KCNK9: variants seen among roughly 807,000 people sequenced by gnomAD.
KCNK9 encodes the protein potassium channel subfamily K member 9.
In KCNK9, 1 loss-of-function variant was observed where a neutral mutation model predicts 10.8. The observed-to-expected ratio is 0.09, with a 90% CI of 0.03 to 0.44. The LOEUF (loss-of-function observed/expected upper bound fraction) is 0.44, where lower values mean the gene tolerates loss of function less well. Ranked by LOEUF, KCNK9 falls within the 20% of genes least tolerant of loss-of-function variation. The probability of loss-of-function intolerance (pLI) is 0.97; values close to 1 mark genes in which losing one functional copy is unlikely to be tolerated. For missense variants in KCNK9, 303 were observed against 515.0 expected, an observed-to-expected ratio of 0.59 and a Z score of 3.98; for synonymous variants, 231 against 222.7, an observed-to-expected ratio of 1.04 and a Z score of -0.33.
intron 1 of KCNK9, among the ~76,000 whole-genome samples, chr8:139,699,957 C>T (rs1302028791): frequency 6.6e-6 from 1 of 152,102 alleles, no homozygotes. Context: ...ATCAAAACGC[C>T]AATGAAGATT....
rs142724993 is a variant in KCNK9 at position 139,620,199 on chromosome 8, T to A, written c.284-1100A>T. Among the ~76,000 whole-genome samples, 258 of 152,124 alleles carry A rather than the reference T, an allele frequency of 1.7e-3. 3 individuals are homozygous for A. Among genetic ancestry groups the A allele is most frequent in the African/African-American group, 5.9e-3 (245 of 41,480 alleles). On this transcript the variant is annotated intron_variant, in intron 1 of 1. Transcript: ENST00000520439. ...TAGGTTCAAACTGTGGGACTAACAC[T>A]ACCCAGAATAAAAACCTGGATCATG...
At chr8:139,691,286 G>C (rs934498285) in intron 1 of KCNK9, among the ~76,000 whole-genome samples, 2 of 152,212 alleles carry the variant, frequency 1.3e-5, no homozygotes, top group Admixed American at 6.5e-5. Context: ...GGATTTCACC[G>C]TGGATACCAG....
In KCNK9 at chr8:139,702,849, G is replaced by T. The variant is rs1817262410; in HGVS notation, c.144C>A (p.Ile48=). Residue 48 remains isoleucine, a synonymous_variant, in exon 1 of 2, where the codon ATC becomes ATA. Coordinates refer to ENST00000520439, the MANE Select transcript of KCNK9 (RefSeq NM_001282534.2). The surrounding 1 kb of genome is among the most constrained non-coding windows in gnomAD (Gnocchi z 7.5). ...EEKLKAEEIR[I]KGKYNISSED... ...CGCTGCTGATGTTGTACTTCCCCTT[G>T]ATCCGGATCTCCTCGGCTTTGAGTT... 1.2e-6 allele frequency: 2 copies of T among 1,613,992 alleles called. No individual in the cohort carries two copies. The highest frequency in any genetic ancestry group is 1.7e-6 in the Non-Finnish European group (2 of 1,179,984).
intron 1 of KCNK9, among the ~76,000 whole-genome samples, chr8:139,701,323 C>T (rs1290449351): frequency 6.6e-6 from 1 of 152,176 alleles, no homozygotes; most frequent in African/African-American, 2.4e-5. Flanking sequence ...AAAACCTGCA[C>T]CAATGAATTA....
At chr8:139,623,071 C>T (rs1032822597) in intron 1 of KCNK9, among the ~76,000 whole-genome samples, 2 of 152,202 alleles carry the variant, frequency 1.3e-5, no homozygotes, top group African/African-American at 2.4e-5. Flanking sequence ...TATGTATATG[C>T]TGCAGACTGC....
chr8:139,637,398 G>A (rs1815369557), intron 1 of KCNK9, among the ~76,000 whole-genome samples: 1 of 152,218 alleles, frequency 6.6e-6, no homozygotes, highest in South Asian at 2.1e-4. Context: ...AGGAAAGTGT[G>A]AGACCAATGG....
At chr8:139,679,994 T>A (rs554481323) in intron 1 of KCNK9, among the ~76,000 whole-genome samples, 1 of 152,268 alleles carries the variant, frequency 6.6e-6, no homozygotes, top group South Asian at 2.1e-4. Flanking sequence ...GTACTCTGTG[T>A]ACCAGGCATG....
intron 1 of KCNK9, among the ~76,000 whole-genome samples, chr8:139,681,750 G>A (rs1027544623): frequency 2.6e-5 from 4 of 152,362 alleles, no homozygotes; most frequent in South Asian, 4.1e-4. Flanking sequence ...ACATCATGGT[G>A]TGGGGCTCCA....
chr8:139,605,006 G>A (rs1275310005), intron 2 of KCNK9, among the ~76,000 whole-genome samples: 2 of 152,218 alleles, frequency 1.3e-5, no homozygotes, highest in African/African-American at 4.8e-5. Context: ...CAGACTAAGG[G>A]CACGACCCAG....
intron 1 of KCNK9, among the ~76,000 whole-genome samples, chr8:139,631,308 T>C (rs1815165138): frequency 6.6e-6 from 1 of 152,230 alleles, no homozygotes; most frequent in Non-Finnish European, 1.5e-5. Context: ...GGCCGGGGAC[T>C]GCGCTAAGAT....
At chr8:139,697,685 T>TC (rs1817096096) in intron 1 of KCNK9, among the ~76,000 whole-genome samples, 2 of 152,048 alleles carry the variant, frequency 1.3e-5, no homozygotes, top group Admixed American at 1.3e-4. Flanking sequence ...AATGGGTATC[T>TC]CCAACTCCTG....
chr8:139,658,752 C>T (rs548740003), intron 1 of KCNK9, among the ~76,000 whole-genome samples: 129 of 152,366 alleles, frequency 8.5e-4, no homozygotes, highest in African/African-American at 3.0e-3. Context: ...GACTTCCCCA[C>T]GGTCACACTG....
intron 1 of KCNK9, among the ~76,000 whole-genome samples, chr8:139,670,899 AC>A (rs1408470720): frequency 6.6e-6 from 1 of 152,070 alleles, no homozygotes; most frequent in Non-Finnish European, 1.5e-5. Context: ...TTTGATGACC[AC>A]CCCGGAGACA....
intron 1 of KCNK9, among the ~76,000 whole-genome samples, chr8:139,640,764 GC>G (rs1353691315): frequency 6.6e-6 from 1 of 152,140 alleles, no homozygotes; most frequent in Non-Finnish European, 1.5e-5. Flanking sequence ...CATTTCTACC[GC>G]CCTCTGGCTG....
Position 139,703,009 on chromosome 8 carries a change from C to T in KCNK9, c.-17G>A. The T allele has an allele frequency of 6.4e-7, 1 of 1,550,674 alleles. No individual in the cohort carries two copies. Among genetic ancestry groups the T allele is most frequent in the East Asian group, 2.4e-5 (1 of 41,052 alleles). ...CCTCTTCATGGCCGCCAGCAAGGAG[C>T]CGGCGCGGGGGGCATGTCCCGCAGG... is the stretch of plus-strand genomic sequence containing the variant. On this transcript the variant is annotated 5_prime_UTR_variant, in exon 1 of 2. Coordinates refer to ENST00000520439, the MANE Select transcript of KCNK9 (RefSeq NM_001282534.2). The surrounding 1 kb of genome is among the most constrained non-coding windows in gnomAD (Gnocchi z 6.4).
intron 1 of KCNK9, among the ~76,000 whole-genome samples, chr8:139,682,688 G>C (rs559668511): frequency 3.0e-4 from 46 of 152,342 alleles, no homozygotes; most frequent in Non-Finnish European, 5.1e-4. Context: ...GATGGCTTGT[G>C]AGCAGGGCAG....
rs1277586112 is a variant in KCNK9 at position 139,693,677 on chromosome 8, A to G, written c.283+9033T>C. 6.6e-6 allele frequency among the ~76,000 whole-genome samples: 1 copy of G among 152,154 alleles called. No homozygotes were observed. Among genetic ancestry groups the G allele is most frequent in the East Asian group, 1.9e-4 (1 of 5,186 alleles). On this transcript the variant is annotated intron_variant, in intron 1 of 1. Transcript: ENST00000520439. This position sits in a 1 kb window ranked among gnomAD's most constrained non-coding sequence, Gnocchi z 4.1. Reference sequence around the variant, plus strand: ...CCTTTGCTCAAGAGGATAAAGGACAATTGGGGAAAAGAGGAAGGCAGAGCC... The same window carrying G: ...CCTTTGCTCAAGAGGATAAAGGACAGTTGGGGAAAAGAGGAAGGCAGAGCC...
chr8:139,685,276 A>G (rs1233646993), intron 1 of KCNK9, among the ~76,000 whole-genome samples: 1 of 152,080 alleles, frequency 6.6e-6, no homozygotes, highest in African/African-American at 2.4e-5. Context: ...ATTTTTATTT[A>G]TTTATTTTTA....
chr8:139,670,860 C>T (rs974230916), intron 1 of KCNK9, among the ~76,000 whole-genome samples: 1 of 152,190 alleles, frequency 6.6e-6, no homozygotes, highest in Non-Finnish European at 1.5e-5. Context: ...TGGCCCGCCT[C>T]CCCAGCAGCA....
Sources: allele counts gnomAD v4.1 joint callset (sites outside exome capture counted in the v4.1 genomes callset), GRCh38; gene constraint gnomAD v4.1.1; non-coding constraint Gnocchi (gnomAD v3.1); transcripts MANE v1.5; gene names NCBI Gene and HGNC (gene_info 2026-07-23, HGNC 2026-07-21).